The following RAB3IL1 variants were observed in gnomAD, a reference collection of about 807,000 sequenced individuals.
RAB3IL1 encodes guanine nucleotide exchange factor for Rab-3A.
RAB3IL1 carries 37 observed loss-of-function variants against 49.2 expected under a neutral mutation model. The ratio of observed to expected loss-of-function variants is 0.75; its 90% CI spans 0.58 to 0.99. RAB3IL1 has a LOEUF of 0.99. Ranked by LOEUF, RAB3IL1 falls within the 50% of genes least tolerant of loss-of-function variation. The probability of loss-of-function intolerance (pLI) is 0.00; values close to 1 mark genes in which losing one functional copy is unlikely to be tolerated. For synonymous variants in RAB3IL1, 193 were observed against 213.9 expected, an observed-to-expected ratio of 0.90 and a Z score of 0.85; for missense variants, 484 against 513.0, an observed-to-expected ratio of 0.94 and a Z score of 0.55.
At chr11:61,914,385 G>C (rs1266593021) in intron 1 of RAB3IL1, among the ~76,000 whole-genome samples, 1 of 152,256 alleles carries the variant, frequency 6.6e-6, no homozygotes, top group African/African-American at 2.4e-5. Context: ...AGACCAGGGG[G>C]CTGGAACAGT....
the RAB3IL1 span, among the ~76,000 whole-genome samples, chr11:61,937,187 A>T: frequency 2.6e-5 from 4 of 152,226 alleles, no homozygotes; most frequent in Non-Finnish European, 5.9e-5. Flanking sequence ...GTAATTACTG[A>T]CAATAAAAAC....
the RAB3IL1 span, among the ~76,000 whole-genome samples, chr11:61,927,424 G>T: frequency 1.3e-5 from 2 of 152,304 alleles, no homozygotes; most frequent in Admixed American, 1.3e-4. Context: ...AAGGATAGGG[G>T]AAGTGCAAAG....
rs138954682 is a variant in RAB3IL1, at chr11:61,901,087, C to T, written c.999+1355G>A. Reference sequence around the variant, plus strand: ...GCACACCGCTGGGAGGACTCACGCTCGGATGCCTTGTGGAGTTCATCAAGG... The same window carrying T: ...GCACACCGCTGGGAGGACTCACGCTTGGATGCCTTGTGGAGTTCATCAAGG... On this transcript the variant is annotated intron_variant, in intron 8 of 9. Transcript: ENST00000394836. 2.6e-5 allele frequency among the ~76,000 whole-genome samples: 4 copies of T among 152,222 alleles called. No homozygotes were observed. The East Asian group carries it at 5.8e-4, about 22-fold the overall frequency.
the RAB3IL1 span, among the ~76,000 whole-genome samples, chr11:61,926,347 A>G: frequency 1.3e-5 from 2 of 152,216 alleles, no homozygotes; most frequent in South Asian, 4.1e-4. Context: ...CTCATGAAGT[A>G]TACAGTTTAG....
At chr11:61,930,645 G>T in the RAB3IL1 span, among the ~76,000 whole-genome samples, 1 of 152,082 alleles carries the variant, frequency 6.6e-6, no homozygotes, top group Non-Finnish European at 1.5e-5. Context: ...AGGCGTGGTG[G>T]TGCAGGCCTG....
Position 61,898,032 on chromosome 11 carries a change from T to G in RAB3IL1, c.*246A>C. On this transcript the variant is annotated 3_prime_UTR_variant, in exon 10 of 10. Coordinates refer to ENST00000394836, the MANE Select transcript of RAB3IL1 (RefSeq NM_013401.4). The surrounding 1 kb of genome is among the most constrained non-coding windows in gnomAD (Gnocchi z 5.1). ...AGCTCCCTGGTCTTTGGTGCTTTCT[T>G]GAAATCCTCCTGGTGGTGGCAGAAC... 2 of 487,654 alleles carry G rather than the reference T, an allele frequency of 4.1e-6. No homozygotes were observed. The highest frequency in any genetic ancestry group is 3.7e-6 in the Non-Finnish European group (1 of 270,820). 30.2% of individuals were successfully genotyped at this position (487,654 alleles called of 1,614,324 possible).
intron 9 of RAB3IL1, chr11:61,899,011 T>TG (rs1185108000): frequency 9.4e-6 from 5 of 530,436 alleles, no homozygotes; most frequent in Non-Finnish European, 1.4e-5. Context: ...GGTGACCCTG[T>TG]GTTCAGGTGA....
chr11:61,927,752 G>A, the RAB3IL1 span, among the ~76,000 whole-genome samples: 144 of 151,936 alleles, frequency 9.5e-4, no homozygotes, highest in Non-Finnish European at 1.6e-3. Context: ...TTAAGAGTCT[G>A]TAGCACCTCC....
rs1473920141 is a variant in RAB3IL1, at chr11:61,904,762, T to C, written c.778A>G (p.Met260Val). The C allele has an allele frequency of 7.5e-6, 12 of 1,604,514 alleles. No individual in the cohort carries two copies. In the East Asian group the frequency reaches 9.0e-5, roughly 12 times the overall value. ...CCCCTGCCATGCCTCACCTCCTGCA[T>C]TGTGAAGTCCAGGCAGGGGCCCACG... ...EDVGPCLDFT[M>V]QELSVLVRAA... The change falls in exon 6 of 10, where the codon ATG becomes GTG. Residue 260 changes from methionine to valine, a missense_variant. Coordinates refer to ENST00000394836, the MANE Select transcript of RAB3IL1 (RefSeq NM_013401.4).
At chr11:61,902,136 GA>G (rs1488839935) in intron 8 of RAB3IL1, among the ~76,000 whole-genome samples, 1 of 151,900 alleles carries the variant, frequency 6.6e-6, no homozygotes, top group Non-Finnish European at 1.5e-5. Context: ...CCAACGTGGT[GA>G]AACCCCATCT....
At chr11:61,915,930 C>T (rs1337302763) in intron 1 of RAB3IL1, among the ~76,000 whole-genome samples, 1 of 150,550 alleles carries the variant, frequency 6.6e-6, no homozygotes, top group Non-Finnish European at 1.5e-5. Context: ...CCCAGCTACT[C>T]GGGAAGCTAA....
chr11:61,918,794 T>C (rs918192776), upstream of RAB3IL1, among the ~76,000 whole-genome samples: 1 of 152,212 alleles, frequency 6.6e-6, no homozygotes, highest in Non-Finnish European at 1.5e-5. Context: ...GCCAGCACTT[T>C]GTGCAGTGAA....
chr11:61,927,609 G>T, the RAB3IL1 span, among the ~76,000 whole-genome samples: 1 of 152,168 alleles, frequency 6.6e-6, no homozygotes, highest in African/African-American at 2.4e-5. Flanking sequence ...GTTTGGCTCT[G>T]CATCCCTGCC....
At chr11:61,917,253 C>T in intron 1 of RAB3IL1, 104 bp downstream of exon 1, 1 of 1,309,206 alleles carries the variant, frequency 7.6e-7, no homozygotes, top group East Asian at 3.2e-5. Context: ...CACAGCACCT[C>T]CGGGTGGCGG....
the RAB3IL1 span, among the ~76,000 whole-genome samples, chr11:61,930,708 G>A: frequency 2.6e-5 from 4 of 152,194 alleles, no homozygotes; most frequent in Non-Finnish European, 1.5e-5. Flanking sequence ...AGCCTGGGAA[G>A]TCAAGGCTGC....
upstream of RAB3IL1, chr11:61,920,130 G>T (rs1193819200): frequency 7.4e-7 from 1 of 1,347,940 alleles, no homozygotes; most frequent in Non-Finnish European, 9.6e-7. Context: ...CTGCACTCAT[G>T]GCCAGGAACA....
At chr11:61,921,375 C>A (rs1226600912), upstream of RAB3IL1, among the ~76,000 whole-genome samples, 1 of 152,158 alleles carries the variant, frequency 6.6e-6, no homozygotes, top group Non-Finnish European at 1.5e-5. Context: ...AATGGATTCT[C>A]ACCCTCCAAA....
At chr11:61,940,670 C>T in the RAB3IL1 span, among the ~76,000 whole-genome samples, 2 of 151,950 alleles carry the variant, frequency 1.3e-5, no homozygotes, top group African/African-American at 4.8e-5. Context: ...CGCCTGTAAT[C>T]CCAGCACTTC....
At chr11:61,909,969 A>C (rs538361606) in intron 1 of RAB3IL1, among the ~76,000 whole-genome samples, 2 of 152,314 alleles carry the variant, frequency 1.3e-5, no homozygotes, top group African/African-American at 4.8e-5. Flanking sequence ...TAGCCGGGCC[A>C]AGATTGTGCC....
Sources: gnomAD v4.1 joint callset for allele counts (sites outside exome capture counted in the v4.1 genomes callset) on GRCh38, gnomAD v4.1.1 for gene constraint, Gnocchi (gnomAD v3.1) non-coding constraint, MANE v1.5 for transcripts, NCBI Gene and HGNC (gene_info 2026-07-23, HGNC 2026-07-21) for gene names.